CNBD1: variants seen among roughly 807,000 people sequenced by gnomAD.
CNBD1 encodes the protein cyclic nucleotide-binding domain-containing protein 1.
In CNBD1, 71 loss-of-function variants were observed where a neutral mutation model predicts 54.4. That is an observed-to-expected ratio of 1.30 (90% CI 1.08 to 1.59). CNBD1 has a LOEUF of 1.59. Among genes scored for constraint, CNBD1 ranks in the 40% most tolerant of loss-of-function variants. CNBD1 has a pLI of 0.00. For missense variants in CNBD1, 659 were observed against 518.0 expected, an observed-to-expected ratio of 1.27 and a Z score of -2.64; for synonymous variants, 182 against 170.7, an observed-to-expected ratio of 1.07 and a Z score of -0.51.
intron 4 of CNBD1, among the ~76,000 whole-genome samples, chr8:87,087,479 T>G (rs941289930): frequency 4.0e-5 from 6 of 148,450 alleles, no homozygotes; most frequent in African/African-American, 1.5e-4. Flanking sequence ...TTTTTTTTTT[T>G]TTGAGTTGGA....
chr8:87,153,318 G>A (rs750065174), intron 4 of CNBD1, among the ~76,000 whole-genome samples: 6 of 152,102 alleles, frequency 3.9e-5, no homozygotes, highest in East Asian at 3.9e-4. Flanking sequence ...TCTGGATATC[G>A]TGGGACCCAT....
intron 4 of CNBD1, among the ~76,000 whole-genome samples, chr8:86,996,319 T>C (rs1239902226): frequency 1.3e-5 from 2 of 152,196 alleles, no homozygotes; most frequent in Non-Finnish European, 2.9e-5. Context: ...AGAGAAATCA[T>C]TGCTTCCTAT....
At chr8:87,264,827 G>A (rs182910497) in intron 6 of CNBD1, among the ~76,000 whole-genome samples, 100 of 152,058 alleles carry the variant, frequency 6.6e-4, no homozygotes, top group Non-Finnish European at 1.1e-3. Flanking sequence ...CATATCCTTC[G>A]CCCACTTGTT....
chr8:87,325,799 T>A (rs567148462), intron 8 of CNBD1, among the ~76,000 whole-genome samples: 1 of 149,818 alleles, frequency 6.7e-6, no homozygotes, highest in East Asian at 1.9e-4. Flanking sequence ...TTTAGTCCAT[T>A]TACATTTAAA....
chr8:87,401,066 A>G (rs1475498698), intron 2 of CNBD1, among the ~76,000 whole-genome samples: 1 of 152,008 alleles, frequency 6.6e-6, no homozygotes, highest in Non-Finnish European at 1.5e-5. Flanking sequence ...TGTGAACTAG[A>G]GAGTGATTAG....
intron 8 of CNBD1, among the ~76,000 whole-genome samples, chr8:87,301,442 C>T (rs1365841518): frequency 6.6e-6 from 1 of 151,534 alleles, no homozygotes; most frequent in Non-Finnish European, 1.5e-5. Context: ...ATGCTAAAAT[C>T]CTTAATAAAA....
chr8:87,020,435 C>T (rs1809461632), intron 4 of CNBD1, among the ~76,000 whole-genome samples: 1 of 152,112 alleles, frequency 6.6e-6, no homozygotes, highest in Non-Finnish European at 1.5e-5. Flanking sequence ...CCTCCTAGTG[C>T]TGTGGGAACC....
At chr8:86,991,207 A>C (rs973518984) in intron 4 of CNBD1, among the ~76,000 whole-genome samples, 1 of 152,088 alleles carries the variant, frequency 6.6e-6, no homozygotes, top group South Asian at 2.1e-4. Flanking sequence ...TACGATTCCT[A>C]GTATTATGTT....
At chr8:87,226,225 T>C (rs1814486449) in intron 5 of CNBD1, among the ~76,000 whole-genome samples, 1 of 151,838 alleles carries the variant, frequency 6.6e-6, no homozygotes, top group African/African-American at 2.4e-5. Context: ...AAGGGCTTTT[T>C]GTGTCTCTAT....
intron 6 of CNBD1, among the ~76,000 whole-genome samples, chr8:87,267,270 A>G (rs1165784561): frequency 6.6e-6 from 1 of 152,218 alleles, no homozygotes; most frequent in African/African-American, 2.4e-5. Flanking sequence ...AATCAAGGAA[A>G]TGTACCATAA....
At chr8:87,039,892 T>C (rs139390113) in intron 4 of CNBD1, among the ~76,000 whole-genome samples, 52 of 152,214 alleles carry the variant, frequency 3.4e-4, no homozygotes, top group Non-Finnish European at 6.2e-4. Context: ...TATGATTTCA[T>C]AGGGAGTCAA....
At chr8:86,961,697 G>A (rs1240777704) in intron 4 of CNBD1, among the ~76,000 whole-genome samples, 1 of 152,192 alleles carries the variant, frequency 6.6e-6, no homozygotes, top group Non-Finnish European at 1.5e-5. Flanking sequence ...CCCTCCAGAG[G>A]CAATGGCCTA....
intron 2 of CNBD1, among the ~76,000 whole-genome samples, chr8:87,389,749 C>CTCCTT (rs1811269414): frequency 6.8e-6 from 1 of 147,434 alleles, no homozygotes; most frequent in Admixed American, 6.8e-5. Flanking sequence ...TGGAAAAAAA[C>CTCCTT]TAAAGTTCAT....
In CNBD1 at chr8:87,343,771, T is replaced by A. The variant is rs373169205; in HGVS notation, c.1043-7914T>A. Among the ~76,000 whole-genome samples, 4 of 152,180 alleles carry A rather than the reference T, an allele frequency of 2.6e-5. No homozygotes were observed. In the South Asian group the frequency reaches 8.3e-4, roughly 31 times the overall value. On this transcript the variant is annotated intron_variant, in intron 8 of 10. Coordinates refer to ENST00000518476, the MANE Select transcript of CNBD1 (RefSeq NM_173538.3). ...GTATAATATATTCTATGGGTTTTCATAATTTAATCATTTACCTTTTGATTA... is the reference window on the plus strand; with the variant it reads ...GTATAATATATTCTATGGGTTTTCAAAATTTAATCATTTACCTTTTGATTA...
chr8:87,083,612 G>A (rs1258689064), intron 4 of CNBD1, among the ~76,000 whole-genome samples: 54 of 137,716 alleles, frequency 3.9e-4, no homozygotes, highest in African/African-American at 1.4e-3. Context: ...TTTTTGAGAC[G>A]GAGTCTGACT....
rs374637296 is a variant in CNBD1 at position 86,890,434 on chromosome 8, C to T, written c.158+2823C>T. ...AGAAGAATTTTCTTCTTTTTAAGAC[C>T]GAACAGTATTCCACTGTGCATAAGT... On this transcript the variant is annotated intron_variant, in intron 2 of 10. Coordinates refer to ENST00000518476, the MANE Select transcript of CNBD1 (RefSeq NM_173538.3). Among the ~76,000 whole-genome samples the T allele has an allele frequency of 9.9e-5, 15 of 152,120 alleles. No individual in the cohort carries two copies. The South Asian group carries it at 1.7e-3, about 17-fold the overall frequency.
At chr8:86,889,591 C>T (rs1203238156) in intron 2 of CNBD1, among the ~76,000 whole-genome samples, 3 of 152,004 alleles carry the variant, frequency 2.0e-5, no homozygotes, top group Non-Finnish European at 4.4e-5. Context: ...TAAAAAGTTT[C>T]TTCTGTTAGA....
intron 2 of CNBD1, among the ~76,000 whole-genome samples, chr8:87,409,796 G>T (rs1807709570): frequency 6.6e-6 from 1 of 152,048 alleles, no homozygotes. Context: ...GCTGAAGCGG[G>T]AGGATTGCCA....
chr8:87,003,406 G>C (rs540101517), intron 4 of CNBD1, among the ~76,000 whole-genome samples: 13 of 152,248 alleles, frequency 8.5e-5, no homozygotes, highest in Admixed American at 3.3e-4. Context: ...AGGGAGGCAG[G>C]GGAGCATGGA....
Sources: gnomAD v4.1 joint callset for allele counts (sites outside exome capture counted in the v4.1 genomes callset) on GRCh38, gnomAD v4.1.1 for gene constraint, MANE v1.5 for transcripts, NCBI Gene and HGNC (gene_info 2026-07-23, HGNC 2026-07-21) for gene names.